Variants in SNX14 observed in about 807,000 individuals in gnomAD.
SNX14 encodes the protein sorting nexin-14.
SNX14 carries 93 observed loss-of-function variants against 133.8 expected under a neutral mutation model. The ratio of observed to expected loss-of-function variants is 0.70; its 90% CI spans 0.59 to 0.83. The LOEUF is 0.83. Among genes scored for constraint, SNX14 ranks in the 40% least tolerant of loss-of-function variants. The pLI is 0.00. For synonymous variants in SNX14, 368 were observed against 365.6 expected (o/e 1.01, Z -0.07); for missense variants, 945 against 1,094.9 (o/e 0.86, Z 1.93).
chr6:85,513,895 T>G lies in SNX14; in HGVS notation c.2558A>C (p.Asp853Ala). The stretch of plus-strand genomic sequence containing the variant: ...TTCAGTGTTTTCACAGAATATAGCA[T>G]CTAAAAAAGAGTAAAAAGAAATATT... ...RLVSLITLLRDAIFCENTEPR... is the reference protein window; with the variant it reads ...RLVSLITLLRAAIFCENTEPR... Residue 853 changes from aspartate (D) to alanine (A), a missense_variant and splice_region_variant, in exon 26 of 29, where the codon GAT becomes GCT. By Grantham distance (126) the Asp-to-Ala change is moderately radical. Coordinates refer to ENST00000314673, the MANE Select transcript of SNX14 (RefSeq NM_153816.6). 1 of 1,604,166 alleles carries G rather than the reference T, an allele frequency of 6.2e-7. No individual in the cohort carries two copies. The highest frequency in any genetic ancestry group is 1.7e-5 in the Admixed American group (1 of 57,996).
At chr6:85,567,249 C>A (rs1165935497) in intron 5 of SNX14, among the ~76,000 whole-genome samples, 3 of 152,168 alleles carry the variant, frequency 2.0e-5, no homozygotes, top group Admixed American at 2.0e-4. Context: ...TTAACTAGGG[C>A]CAATTATGCC....
Position 85,543,591 on chromosome 6 carries a change from C to T in SNX14, c.1264+14G>A, listed in dbSNP as rs1317425189. 6 of 1,551,196 alleles carry T rather than the reference C, an allele frequency of 3.9e-6. No homozygotes were observed. The highest frequency in any genetic ancestry group is 2.7e-5 in the African/African-American group (2 of 72,974). On this transcript the variant is annotated intron_variant, in intron 13 of 28. Transcript: ENST00000314673. ...AGAGTGCTAAATAAGTCATTCTTAT[C>T]GTCTTTGACTTACTTCTTTGAATCT...
At chr6:85,537,212 A>C (rs2128034937) in intron 16 of SNX14, among the ~76,000 whole-genome samples, 1 of 152,314 alleles carries the variant, frequency 6.6e-6, no homozygotes, top group African/African-American at 2.4e-5. Flanking sequence ...TAACAGGATT[A>C]GAATTTTTAA....
chr6:85,537,713 C>T (rs1782387061), intron 16 of SNX14, among the ~76,000 whole-genome samples: 2 of 152,200 alleles, frequency 1.3e-5, no homozygotes, highest in South Asian at 4.1e-4. Flanking sequence ...CTTTGGAAGG[C>T]CAAGGCAGGC....
intron 1 of SNX14, among the ~76,000 whole-genome samples, chr6:85,585,210 G>C (rs1019063483): frequency 1.3e-5 from 2 of 152,134 alleles, no homozygotes; most frequent in South Asian, 2.1e-4. Context: ...ACAGGGGAGG[G>C]GAATATCACA....
Position 85,514,230 on chromosome 6 carries a change from C to A in SNX14, c.2397G>T (p.Arg799=), listed in dbSNP as rs1773990015. 5.6e-6 allele frequency: 9 copies of A among 1,609,776 alleles called. No individual in the cohort carries two copies. The East Asian group carries it at 1.8e-4, about 32-fold the overall frequency. The change falls in exon 25 of 29, where the codon CGG becomes CGT. Residue 799 remains arginine (R), a synonymous_variant. Coordinates refer to ENST00000314673, the MANE Select transcript of SNX14 (RefSeq NM_153816.6). ...GVYDYLMYVG[R]VVFQVPDWLH... is the part of the protein sequence containing the mutation. Reference sequence around the variant, plus strand: ...GCCAGTCAGGAACCTGGAAAACTACCCGTCCTGAGAAAGGATCAAATGGGA... The same window carrying A: ...GCCAGTCAGGAACCTGGAAAACTACACGTCCTGAGAAAGGATCAAATGGGA...
At chr6:85,556,523 T>A (rs916538243) in intron 7 of SNX14, among the ~76,000 whole-genome samples, 21 of 147,664 alleles carry the variant, frequency 1.4e-4, no homozygotes, top group Non-Finnish European at 2.8e-4. Flanking sequence ...CAGGCTGGAG[T>A]GCAGTGGCAT....
intron 1 of SNX14, among the ~76,000 whole-genome samples, chr6:85,591,649 TCTC>T: frequency 6.6e-6 from 1 of 152,108 alleles, no homozygotes; most frequent in East Asian, 1.9e-4. Flanking sequence ...ACTAGATGGC[TCTC>T]CTACCTTAGA....
chr6:85,505,883 T>C lies in SNX14; in HGVS notation c.*84A>G, dbSNP rs902028419. 4.5e-6 allele frequency: 4 copies of C among 882,444 alleles called. 1 individual carries two copies. Among genetic ancestry groups the C allele is most frequent in the East Asian group, 4.9e-5 (2 of 40,838 alleles). 54.7% of individuals were successfully genotyped at this position (882,444 alleles called of 1,614,324 possible). On this transcript the variant is annotated 3_prime_UTR_variant, in exon 29 of 29. Transcript: ENST00000314673. ...CAGACAGCGATGTACATAATATATA[T>C]AAGAATATACCCAAAAAAGTAAATT... is the stretch of plus-strand genomic sequence containing the variant.
At chr6:85,540,686 C>A (rs1027371919) in intron 15 of SNX14, among the ~76,000 whole-genome samples, 2 of 152,158 alleles carry the variant, frequency 1.3e-5, no homozygotes, top group African/African-American at 4.8e-5. Flanking sequence ...TTCAAAAAAA[C>A]ATCTATTCCC....
At chr6:85,593,488 C>A in intron 1 of SNX14, 91 bp downstream of exon 1, 2 of 1,474,940 alleles carry the variant, frequency 1.4e-6, no homozygotes, top group South Asian at 1.3e-5. Context: ...AGTCCCGCAG[C>A]TACGCGGCCT....
chr6:85,514,656 A>C (rs1429342179), intron 23 of SNX14, 27 bp from the exon 24 acceptor site: 1 of 1,588,584 alleles, frequency 6.3e-7, no homozygotes, highest in Non-Finnish European at 8.6e-7. Flanking sequence ...AATAATAAAG[A>C]GATATATAGT....
At chr6:85,586,979 G>A (rs1314902733) in intron 1 of SNX14, among the ~76,000 whole-genome samples, 1 of 152,070 alleles carries the variant, frequency 6.6e-6, no homozygotes, top group Admixed American at 6.6e-5. Context: ...TGAAGAAGTG[G>A]AGATTGCAAT....
chr6:85,584,033 A>G (rs1799875265), intron 1 of SNX14, among the ~76,000 whole-genome samples: 1 of 152,252 alleles, frequency 6.6e-6, no homozygotes, highest in African/African-American at 2.4e-5. Flanking sequence ...ACAGCAAGGT[A>G]CTGGTACCAA....
intron 12 of SNX14, among the ~76,000 whole-genome samples, chr6:85,545,045 T>C (rs1248991755): frequency 6.6e-6 from 1 of 152,084 alleles, no homozygotes; most frequent in African/African-American, 2.4e-5. Context: ...AGGAGCACAA[T>C]AGGCAGGAGA....
At chr6:85,566,131 GAAGA>G (rs761956949) in intron 5 of SNX14, among the ~76,000 whole-genome samples, 1 of 152,156 alleles carries the variant, frequency 6.6e-6, no homozygotes, top group Non-Finnish European at 1.5e-5. Flanking sequence ...CTACAACTGA[GAAGA>G]AAGTATACTT....
chr6:85,588,159 A>G (rs1316778257), intron 1 of SNX14, among the ~76,000 whole-genome samples: 1 of 152,134 alleles, frequency 6.6e-6, no homozygotes, highest in African/African-American at 2.4e-5. Flanking sequence ...CTCAGCCTAT[A>G]TATAGTCCCA....
At chr6:85,554,246 A>G (rs1004911143) in intron 7 of SNX14, among the ~76,000 whole-genome samples, 2 of 151,798 alleles carry the variant, frequency 1.3e-5, no homozygotes, top group Non-Finnish European at 2.9e-5. Context: ...ATATGTAGCT[A>G]TACATATGTA....
intron 4 of SNX14, among the ~76,000 whole-genome samples, chr6:85,570,165 T>C (rs918497480): frequency 8.5e-5 from 13 of 152,226 alleles, no homozygotes; most frequent in African/African-American, 2.9e-4. Context: ...CTAAAGTTCC[T>C]GGTAGAAAGG....
Sources: allele counts gnomAD v4.1 joint callset (sites outside exome capture counted in the v4.1 genomes callset), GRCh38; gene constraint gnomAD v4.1.1; transcripts MANE v1.5; gene names NCBI Gene and HGNC (gene_info 2026-07-23, HGNC 2026-07-21).